RNFT2: variants seen among roughly 807,000 people sequenced by gnomAD.
RNFT2 encodes E3 ubiquitin-protein ligase RNFT2.
Under a neutral mutation model 53.0 loss-of-function variants are expected in RNFT2, and 36 were observed. That is an observed-to-expected ratio of 0.68 (90% confidence interval 0.52 to 0.90). The LOEUF is 0.90. Among genes scored for constraint, RNFT2 ranks in the 40% least tolerant of loss-of-function variants. The pLI is 0.00. For synonymous variants in RNFT2, 260 were observed against 253.2 expected (o/e 1.03, Z -0.26); for missense variants, 514 against 585.6 (o/e 0.88, Z 1.26).
intron 7 of RNFT2, among the ~76,000 whole-genome samples, chr12:116,812,651 C>T (rs760878870): frequency 4.0e-5 from 6 of 151,856 alleles, no homozygotes; most frequent in Non-Finnish European, 8.8e-5. Flanking sequence ...TCTCCTGCCT[C>T]AGCCTCCTGA....
intron 5 of RNFT2, among the ~76,000 whole-genome samples, chr12:116,756,365 A>G (rs1872511056): frequency 1.3e-5 from 2 of 151,696 alleles, no homozygotes; most frequent in Admixed American, 1.3e-4. Flanking sequence ...TGAGTTCTTG[A>G]TGTGATTCTC....
intron 10 of RNFT2, among the ~76,000 whole-genome samples, chr12:116,840,278 C>T (rs980067364): frequency 3.3e-5 from 5 of 152,270 alleles, no homozygotes; most frequent in Middle Eastern, 3.4e-3. Flanking sequence ...ACAGACACTT[C>T]GGGCGGGAAG....
chr12:116,750,205 GC>G lies in RNFT2; in HGVS notation c.453del (p.Ala152ProfsTer5). On this transcript the variant is annotated frameshift_variant, in exon 4 of 11. Coordinates refer to ENST00000257575, the MANE Select transcript of RNFT2 (RefSeq NM_001382266.1). LOFTEE classifies it high-confidence loss of function. ...AGGCGACGAGCAGCCTGGGACGCCC[GC>G]CCCCGCCCTGTCCGAGCTGAAGGCT... is the stretch of plus-strand genomic sequence containing the variant. ...EGGDEQPGTP[A>X]PALSELKAVI... The G allele has an allele frequency of 1.2e-6, 2 of 1,603,834 alleles. No homozygotes were observed.
At chr12:116,782,867 C>T (rs1873775915) in intron 7 of RNFT2, among the ~76,000 whole-genome samples, 2 of 152,164 alleles carry the variant, frequency 1.3e-5, no homozygotes, top group African/African-American at 4.8e-5. Flanking sequence ...CTAGACCACT[C>T]CTTGTTGGTT....
intron 7 of RNFT2, among the ~76,000 whole-genome samples, chr12:116,793,379 G>A (rs1461376383): frequency 1.3e-5 from 2 of 151,996 alleles, no homozygotes; most frequent in East Asian, 3.9e-4. Flanking sequence ...TAGAGACAGG[G>A]TCTCACTGTC....
At chr12:116,759,804 G>A (rs1042912457) in intron 5 of RNFT2, among the ~76,000 whole-genome samples, 1 of 152,168 alleles carries the variant, frequency 6.6e-6, no homozygotes, top group Non-Finnish European at 1.5e-5. Flanking sequence ...TCTTAGCTTT[G>A]GTGGTTTAAT....
chr12:116,768,756 G>A (rs1299312532), intron 6 of RNFT2, among the ~76,000 whole-genome samples: 1 of 143,416 alleles, frequency 7.0e-6, no homozygotes, highest in Non-Finnish European at 1.5e-5. Flanking sequence ...TTTGAAACGA[G>A]TTTTGCCCTT....
At chr12:116,830,041 A>G (rs1161478903) in intron 7 of RNFT2, among the ~76,000 whole-genome samples, 2 of 152,036 alleles carry the variant, frequency 1.3e-5, no homozygotes, top group Non-Finnish European at 2.9e-5. Flanking sequence ...GATATCTTTC[A>G]TCAGGATGAT....
chr12:116,751,647 C>T (rs774719551), intron 4 of RNFT2, among the ~76,000 whole-genome samples: 7 of 152,020 alleles, frequency 4.6e-5, no homozygotes, highest in African/African-American at 1.7e-4. Context: ...GTGTTCCATC[C>T]GCCTCAGCCT....
chr12:116,749,060 T>C (rs553659179), intron 3 of RNFT2, among the ~76,000 whole-genome samples: 8 of 152,302 alleles, frequency 5.3e-5, no homozygotes, highest in African/African-American at 1.9e-4. Context: ...ATATTATTTG[T>C]ATTAGTTCCT....
intron 5 of RNFT2, among the ~76,000 whole-genome samples, chr12:116,758,466 G>A (rs1370590756): frequency 6.6e-6 from 1 of 152,142 alleles, no homozygotes; most frequent in African/African-American, 2.4e-5. Context: ...AAGAGGGTCT[G>A]TTGTGATGTG....
chr12:116,812,580 G>A (rs1370463694), intron 7 of RNFT2, among the ~76,000 whole-genome samples: 2 of 151,636 alleles, frequency 1.3e-5, no homozygotes, highest in East Asian at 3.9e-4. Flanking sequence ...TGTCACCCAG[G>A]CTGGAGTTCA....
chr12:116,849,748 G>A lies in RNFT2; in HGVS notation c.*300G>A. On this transcript the variant is annotated 3_prime_UTR_variant, in exon 11 of 11. Coordinates refer to ENST00000257575, the MANE Select transcript of RNFT2 (RefSeq NM_001382266.1). ...CCAAGTCAAGGACCTGGCAATACATGAAGTTCCCACTTGTTGGTTATTTTC... is the reference window on the plus strand; with the variant it reads ...CCAAGTCAAGGACCTGGCAATACATAAAGTTCCCACTTGTTGGTTATTTTC... 1 of 1,170,988 alleles carries A rather than the reference G, an allele frequency of 8.5e-7. No homozygotes were observed. The allele number at this position is 1,170,988 out of a possible 1,614,324, so 72.5% of individuals were successfully genotyped here.
chr12:116,741,037 T>C lies in RNFT2; in HGVS notation c.26T>C (p.Val9Ala). Residue 9 changes from valine to alanine, a missense_variant and splice_region_variant, in exon 3 of 11, where the codon GTG becomes GCG. Val to Ala is a moderately conservative substitution (Grantham distance 64). Transcript: ENST00000257575. MWLFTVNQ[V>A]LRKMQRRHSS... ...GCTCACCCATGTGTTGGGTTTTAGGTGTTAAGGAAGATGCAGAGACGCCAC... is the reference window on the plus strand; with the variant it reads ...GCTCACCCATGTGTTGGGTTTTAGGCGTTAAGGAAGATGCAGAGACGCCAC... The C allele has an allele frequency of 6.2e-7, 1 of 1,609,900 alleles. No individual in the cohort carries two copies.
At chr12:116,762,624 G>T (rs1296332934) in intron 5 of RNFT2, among the ~76,000 whole-genome samples, 1 of 147,590 alleles carries the variant, frequency 6.8e-6, no homozygotes, top group Non-Finnish European at 1.5e-5. Context: ...CTGTCACCCA[G>T]GCTGGAGTGC....
At chr12:116,778,573 G>A (rs867388705) in intron 6 of RNFT2, among the ~76,000 whole-genome samples, 9 of 152,250 alleles carry the variant, frequency 5.9e-5, no homozygotes, top group Admixed American at 1.3e-4. Context: ...TCCTCTGGCC[G>A]ACAGCAGTGG....
intron 6 of RNFT2, among the ~76,000 whole-genome samples, chr12:116,768,840 C>T (rs577541689): frequency 6.6e-6 from 1 of 151,538 alleles, no homozygotes; most frequent in Admixed American, 6.6e-5. Context: ...AAGTGATTCT[C>T]CTGCCTCAGC....
chr12:116,788,955 GGGATGGATGGAT>G (rs10579273), intron 7 of RNFT2, among the ~76,000 whole-genome samples: 11,780 of 137,934 alleles, frequency 0.085, 1,427 homozygotes, highest in African/African-American at 0.28. Context: ...TGGGAGGAGA[GGGATGGATGGAT>G]GGATGGATGG....
intron 6 of RNFT2, among the ~76,000 whole-genome samples, chr12:116,767,456 C>A (rs953792867): frequency 6.6e-6 from 1 of 152,184 alleles, no homozygotes; most frequent in African/African-American, 2.4e-5. Flanking sequence ...TGAGCTCAGG[C>A]AATCCACCTG....
Sources: gnomAD v4.1 joint callset for allele counts (sites outside exome capture counted in the v4.1 genomes callset) on GRCh38, gnomAD v4.1.1 for gene constraint, MANE v1.5 for transcripts, NCBI Gene and HGNC (gene_info 2026-07-23, HGNC 2026-07-21) for gene names.